PRKCA: variants seen among roughly 807,000 people sequenced by gnomAD.
PRKCA encodes protein kinase C alpha type.
A neutral mutation model predicts 87.0 loss-of-function variants in PRKCA; 27 were observed. The ratio of observed to expected loss-of-function variants is 0.31; its 90% CI spans 0.23 to 0.43. The LOEUF is 0.43. Among genes scored for constraint, PRKCA ranks in the 20% least tolerant of loss-of-function variants. The probability of loss-of-function intolerance (pLI) is 1.00; values close to 1 mark genes in which losing one functional copy is unlikely to be tolerated. For missense variants in PRKCA, 518 were observed against 852.3 expected, an observed-to-expected ratio of 0.61 and a Z score of 4.88; for synonymous variants, 329 against 311.1, an observed-to-expected ratio of 1.06 and a Z score of -0.61.
intron 2 of PRKCA, among the ~76,000 whole-genome samples, chr17:66,494,839 A>G (rs1271898532): frequency 6.6e-6 from 1 of 152,134 alleles, no homozygotes; most frequent in Non-Finnish European, 1.5e-5. Context: ...CAGTAGCTCA[A>G]CGCCTACAAT....
intron 5 of PRKCA, among the ~76,000 whole-genome samples, chr17:66,669,008 T>C (rs2143939879): frequency 6.6e-6 from 1 of 151,726 alleles, no homozygotes; most frequent in East Asian, 1.9e-4. Flanking sequence ...GAGATTGAGG[T>C]GGGAGGATTG....
At chr17:66,448,452 A>G (rs549276032) in intron 2 of PRKCA, among the ~76,000 whole-genome samples, 1 of 152,182 alleles carries the variant, frequency 6.6e-6, no homozygotes, top group Non-Finnish European at 1.5e-5. Context: ...GCTCGATGCC[A>G]TTAAACTGCT....
intron 2 of PRKCA, among the ~76,000 whole-genome samples, chr17:66,411,629 G>A (rs1230190323): frequency 6.6e-6 from 1 of 152,106 alleles, no homozygotes; most frequent in African/African-American, 2.4e-5. Context: ...TGTTTTCACT[G>A]TTGACAGTTG....
chr17:66,398,655 G>A (rs1476141616), intron 2 of PRKCA, among the ~76,000 whole-genome samples: 9 of 152,172 alleles, frequency 5.9e-5, no homozygotes, highest in Non-Finnish European at 1.0e-4. Context: ...TTTGGAGAGT[G>A]TTAGTGTTCA....
intron 3 of PRKCA, among the ~76,000 whole-genome samples, chr17:66,631,737 G>A (rs1322145547): frequency 6.6e-6 from 1 of 152,090 alleles, no homozygotes; most frequent in Non-Finnish European, 1.5e-5. Context: ...AATGTCTGAG[G>A]GGATGGATAC....
At chr17:66,636,141 CA>C (rs746205503) in intron 3 of PRKCA, among the ~76,000 whole-genome samples, 2 of 152,112 alleles carry the variant, frequency 1.3e-5, no homozygotes, top group Non-Finnish European at 2.9e-5. Flanking sequence ...TCAGGGCCCA[CA>C]GAAGTAAAAT....
chr17:66,585,102 G>T (rs1969553516), intron 3 of PRKCA, among the ~76,000 whole-genome samples: 1 of 152,012 alleles, frequency 6.6e-6, no homozygotes, highest in Non-Finnish European at 1.5e-5. Flanking sequence ...GCGTGGAGAG[G>T]CGGTGTCTGA....
At chr17:66,801,792 G>A (rs763913490) in intron 16 of PRKCA, among the ~76,000 whole-genome samples, 5 of 152,160 alleles carry the variant, frequency 3.3e-5, no homozygotes, top group Non-Finnish European at 5.9e-5. Context: ...GCTCCACAGA[G>A]TAACTTGAAA....
chr17:66,626,461 A>C (rs1421425155), intron 3 of PRKCA, among the ~76,000 whole-genome samples: 5 of 149,846 alleles, frequency 3.3e-5, no homozygotes, highest in Admixed American at 2.0e-4. Context: ...TCCTGGGTTC[A>C]TGCCATTCTC....
At chr17:66,768,262 G>C (rs984408489) in intron 13 of PRKCA, among the ~76,000 whole-genome samples, 10 of 77,742 alleles carry the variant, frequency 1.3e-4, no homozygotes, top group African/African-American at 2.7e-4. Context: ...TTTTTTTTTT[G>C]GGGGGGAGAG....
At chr17:66,485,770 A>G (rs1325260076) in intron 2 of PRKCA, among the ~76,000 whole-genome samples, 1 of 152,148 alleles carries the variant, frequency 6.6e-6, no homozygotes, top group Non-Finnish European at 1.5e-5. Flanking sequence ...AAGGCAAGAG[A>G]GAGGAGAGAA....
intron 14 of PRKCA, among the ~76,000 whole-genome samples, chr17:66,781,919 A>AGT (rs1294424180): frequency 7.6e-5 from 10 of 132,348 alleles, no homozygotes; most frequent in African/African-American, 1.4e-4. Flanking sequence ...TGTGTGTGTG[A>AGT]GTGAGTGTGA....
chr17:66,566,480 G>GTTTTTTTTTTTTTTTTTTTTTT (rs56912157), intron 3 of PRKCA, among the ~76,000 whole-genome samples: 3 of 97,022 alleles, frequency 3.1e-5, no homozygotes, highest in Admixed American at 1.2e-4. Context: ...TTGTTTTTTG[G>GTTTTTTTTTTTTTTTTTTTTTT]TTTTTTTTTT....
Position 66,645,405 on chromosome 17 carries a change from G to C in PRKCA, c.423G>C (p.Lys141Asn), listed in dbSNP as rs760478437. 1 of 1,614,180 alleles carries C rather than the reference G, an allele frequency of 6.2e-7. No homozygotes were observed. Among genetic ancestry groups the C allele is most frequent in the Non-Finnish European group, 8.5e-7 (1 of 1,180,034 alleles). ...CAGCCTGCGATATGAACGTTCACAA[G>C]CAATGCGTCATCAATGTCCCCAGCC... is the stretch of plus-strand genomic sequence containing the variant. ...KCDTCDMNVH[K>N]QCVINVPSLC... Residue 141 changes from lysine to asparagine, a missense_variant, in exon 5 of 17, where the codon AAG becomes AAC. Physicochemically the swap from Lys to Asn is moderately conservative, Grantham distance 94. Around this residue, in one of 5 missense-constraint regions of PRKCA, gnomAD observed 300 missense variants for 496.8 expected, o/e 0.60. Coordinates refer to ENST00000413366, the MANE Select transcript of PRKCA (RefSeq NM_002737.3).
chr17:66,363,378 T>C (rs1470426670), intron 2 of PRKCA, among the ~76,000 whole-genome samples: 1 of 152,224 alleles, frequency 6.6e-6, no homozygotes, highest in Non-Finnish European at 1.5e-5. Context: ...ATTTTCTTAG[T>C]GTGAGACCAG....
Position 66,409,874 on chromosome 17 carries a change from C to T in PRKCA, c.206-86327C>T, listed in dbSNP as rs149976491. Among the ~76,000 whole-genome samples, 346 of 152,296 alleles carry T rather than the reference C, an allele frequency of 2.3e-3. 2 individuals are homozygous for T. The highest frequency in any genetic ancestry group is 7.7e-3 in the African/African-American group (322 of 41,568). On this transcript the variant is annotated intron_variant, in intron 2 of 16. Transcript: ENST00000413366. ...TGGAGCTTGCAGTGAGCCGAGATCACGCCACTGCACTCCAGCCTGGGCGAC... is the reference window on the plus strand; with the variant it reads ...TGGAGCTTGCAGTGAGCCGAGATCATGCCACTGCACTCCAGCCTGGGCGAC...
chr17:66,306,023 A>C, intron 1 of PRKCA, 73 bp from the exon 2 acceptor site: 1 of 1,416,798 alleles, frequency 7.1e-7, no homozygotes, highest in Non-Finnish European at 1.0e-6. Context: ...GTACTTGGTC[A>C]CATAACTTGT....
intron 2 of PRKCA, among the ~76,000 whole-genome samples, chr17:66,456,780 G>A (rs1914592095): frequency 6.6e-6 from 1 of 152,176 alleles, no homozygotes; most frequent in South Asian, 2.1e-4. Flanking sequence ...TGAGCCCTGG[G>A]CCACACCATA....
intron 10 of PRKCA, among the ~76,000 whole-genome samples, chr17:66,736,360 C>A (rs1437267320): frequency 2.0e-5 from 3 of 151,974 alleles, no homozygotes; most frequent in Non-Finnish European, 1.5e-5. Context: ...TCAATGCAAC[C>A]TCCACCTCCC....
Sources: gnomAD v4.1 joint callset for allele counts (sites outside exome capture counted in the v4.1 genomes callset) on GRCh38, gnomAD v4.1.1 for gene constraint, gnomAD v4.1.1 regional missense constraint, MANE v1.5 for transcripts, NCBI Gene and HGNC (gene_info 2026-07-23, HGNC 2026-07-21) for gene names.